Variants in MYO18B observed in about 807,000 individuals in gnomAD.
The protein encoded by MYO18B is myosin XVIIIB, also known as unconventional myosin-XVIIIb.
A neutral mutation model predicts 273.0 loss-of-function variants in MYO18B; 204 were observed. The ratio of observed to expected loss-of-function variants is 0.75; its 90% CI spans 0.67 to 0.84. MYO18B has a LOEUF of 0.84. Among genes scored for constraint, MYO18B ranks in the 40% least tolerant of loss-of-function variants. MYO18B has a pLI of 0.00. For synonymous variants in MYO18B, 1,330 were observed against 1,305.7 expected, an observed-to-expected ratio of 1.02 and a Z score of -0.40; for missense variants, 3,212 against 3,287.6, an observed-to-expected ratio of 0.98 and a Z score of 0.56.
At chr22:25,750,799 G>A (rs1293599989) in intron 1 of MYO18B, among the ~76,000 whole-genome samples, 1 of 152,196 alleles carries the variant, frequency 6.6e-6, no homozygotes, top group Admixed American at 6.5e-5. Context: ...GACATTGGCT[G>A]GCACCCTCAG....
chr22:25,762,955 A>C (rs1484314944), intron 2 of MYO18B: 5 of 610,176 alleles, frequency 8.2e-6, no homozygotes, highest in Admixed American at 1.9e-5. Context: ...TGACCATACA[A>C]GTGACTGTTC....
At chr22:25,927,055 C>T (rs1421461623) in intron 34 of MYO18B, among the ~76,000 whole-genome samples, 2 of 152,150 alleles carry the variant, frequency 1.3e-5, no homozygotes, top group African/African-American at 4.8e-5. Context: ...ATCCTGTCAG[C>T]TGAGGAGGAT....
intron 34 of MYO18B, among the ~76,000 whole-genome samples, chr22:25,923,251 C>G (rs2092374680): frequency 6.6e-6 from 1 of 152,318 alleles, no homozygotes; most frequent in East Asian, 1.9e-4. Flanking sequence ...TTAGCCATCT[C>G]CTTTATCAAA....
chr22:25,826,360 C>T (rs777501017), intron 13 of MYO18B, 49 bp from the exon 14 acceptor site: 5 of 1,488,768 alleles, frequency 3.4e-6, no homozygotes, highest in Non-Finnish European at 4.6e-6. Context: ...TGTCCTTGGC[C>T]CCAGGCAAGA....
chr22:26,020,648 T>A (rs1017221164), intron 42 of MYO18B, among the ~76,000 whole-genome samples: 2 of 152,214 alleles, frequency 1.3e-5, no homozygotes, highest in African/African-American at 4.8e-5. Flanking sequence ...TCATTGGTAG[T>A]ACTGGGGGTA....
At chr22:25,874,572 C>T (rs146133713) in intron 23 of MYO18B, among the ~76,000 whole-genome samples, 158 bp downstream of exon 23, 20 of 152,316 alleles carry the variant, frequency 1.3e-4, no homozygotes, top group Middle Eastern at 3.4e-3. Flanking sequence ...ATGACTGTTT[C>T]TGGGACATTG....
At chr22:25,959,518 C>T (rs113933915) in intron 39 of MYO18B, among the ~76,000 whole-genome samples, 2,072 of 152,230 alleles carry the variant, frequency 0.014, 44 homozygotes, top group African/African-American at 0.047. Context: ...TCAAGCCATC[C>T]TCCAGCCCCA....
chr22:26,017,081 G>T (rs1935405088), intron 42 of MYO18B, among the ~76,000 whole-genome samples: 3 of 94,932 alleles, frequency 3.2e-5, no homozygotes, highest in Admixed American at 1.2e-4. Context: ...TCCTCTCTGT[G>T]CCTCTCCCTC....
intron 39 of MYO18B, among the ~76,000 whole-genome samples, chr22:25,967,292 G>C (rs1384444100): frequency 6.6e-6 from 1 of 152,172 alleles, no homozygotes; most frequent in African/African-American, 2.4e-5. Flanking sequence ...ATATTGTTTA[G>C]ATGAGATTAT....
intron 38 of MYO18B, among the ~76,000 whole-genome samples, chr22:25,954,438 TA>T (rs59409717): frequency 0.062 from 8,871 of 142,938 alleles, 703 homozygotes; most frequent in African/African-American, 0.19. Context: ...TAGGAGCTGC[TA>T]AAAAAAAAAA....
chr22:25,823,611 A>T lies in MYO18B; in HGVS notation c.2628A>T (p.Arg876=), dbSNP rs752055956. ...LNTATFKHHL[R]QIIQQMTFGP... is the part of the protein sequence containing the mutation. ...CGGCCACCTTCAAGCACCACCTTCG[A>T]CAGATCATCCAGCAAATGACGTTTG... The change falls in exon 13 of 44, where the codon CGA becomes CGT. Residue 876 remains arginine, a synonymous_variant. Coordinates refer to ENST00000335473, the MANE Select transcript of MYO18B (RefSeq NM_032608.7). 10 of 1,613,786 alleles carry T rather than the reference A, an allele frequency of 6.2e-6. No individual in the cohort carries two copies. The highest frequency in any genetic ancestry group is 1.3e-5 in the African/African-American group (1 of 74,878).
intron 10 of MYO18B, among the ~76,000 whole-genome samples, chr22:25,784,925 A>G (rs1483262282): frequency 6.6e-6 from 1 of 152,218 alleles, no homozygotes; most frequent in Non-Finnish European, 1.5e-5. Context: ...TCGAGGGGCC[A>G]ACAGACCTCA....
intron 22 of MYO18B, among the ~76,000 whole-genome samples, chr22:25,872,334 T>A (rs1046541896): frequency 2.0e-5 from 3 of 152,230 alleles, no homozygotes; most frequent in African/African-American, 2.4e-5. Context: ...TTCAAGTGCT[T>A]GTATCATAAT....
At chr22:25,915,990 A>G (rs954745269) in intron 33 of MYO18B, among the ~76,000 whole-genome samples, 2 of 152,176 alleles carry the variant, frequency 1.3e-5, no homozygotes, top group African/African-American at 2.4e-5. Flanking sequence ...TTGTAACCCT[A>G]TTTGATTACT....
At chr22:25,970,245 A>G (rs1393462707) in intron 39 of MYO18B, among the ~76,000 whole-genome samples, 1 of 152,182 alleles carries the variant, frequency 6.6e-6, no homozygotes, top group Non-Finnish European at 1.5e-5. Context: ...CATCATTATC[A>G]GAGTGAGACT....
chr22:25,942,361 T>G lies in MYO18B; in HGVS notation c.5518-3776T>G, dbSNP rs577638974. 2.6e-5 allele frequency among the ~76,000 whole-genome samples: 4 copies of G among 152,348 alleles called. No individual in the cohort carries two copies. The East Asian group carries it at 7.7e-4, about 29-fold the overall frequency. The stretch of plus-strand genomic sequence containing the variant: ...TTGCTCAAACTCCGAGTTCTGTCAT[T>G]TTACAGACTCCCAACTTAGTCCAGG... On this transcript the variant is annotated intron_variant, in intron 34 of 43. Coordinates refer to ENST00000335473, the MANE Select transcript of MYO18B (RefSeq NM_032608.7).
intron 21 of MYO18B, among the ~76,000 whole-genome samples, chr22:25,864,157 G>A (rs1451978865): frequency 6.6e-6 from 1 of 151,876 alleles, no homozygotes; most frequent in Non-Finnish European, 1.5e-5. Context: ...AACTACTGCA[G>A]AGAGAGAGAG....
intron 25 of MYO18B, among the ~76,000 whole-genome samples, chr22:25,888,604 T>A (rs1237928294): frequency 6.6e-6 from 1 of 151,882 alleles, no homozygotes; most frequent in Non-Finnish European, 1.5e-5. Flanking sequence ...CATTGCCACA[T>A]AAGTACTTCC....
At chr22:26,014,902 G>GT (rs113712872) in intron 42 of MYO18B, among the ~76,000 whole-genome samples, 5,314 of 139,798 alleles carry the variant, frequency 0.038, 123 homozygotes, top group African/African-American at 0.064. Context: ...CTTTTTAATG[G>GT]GTTTTTTTTT....
Sources: allele counts gnomAD v4.1 joint callset (sites outside exome capture counted in the v4.1 genomes callset), GRCh38; gene constraint gnomAD v4.1.1; transcripts MANE v1.5; gene names NCBI Gene and HGNC (gene_info 2026-07-23, HGNC 2026-07-21).